Variants in SPTBN1 observed in about 807,000 individuals in gnomAD.
SPTBN1 encodes the protein spectrin beta chain, non-erythrocytic 1.
A neutral mutation model predicts 266.4 loss-of-function variants in SPTBN1; 32 were observed. The observed-to-expected ratio is 0.12, with a 90% confidence interval of 0.09 to 0.16. SPTBN1 has a LOEUF of 0.16. Among genes scored for constraint, SPTBN1 ranks in the 10% least tolerant of loss-of-function variants. The pLI, the probability that SPTBN1 is intolerant of heterozygous loss-of-function variation, is 1.00. For missense variants in SPTBN1, 2,296 were observed against 3,067.1 expected (o/e 0.75, Z 5.94); for synonymous variants, 1,336 against 1,162.2 (o/e 1.15, Z -3.04).
At position 54,461,024 on chromosome 2, in the gene SPTBN1, C is replaced by A. The variant is rs564322453; in HGVS notation, c.-48+4506C>A. ...TCTCAAAAAAATAAAAATCATAAAC[C>A]AAGGGACACTCAGGCAGCCACCGGC... is the stretch of plus-strand genomic sequence containing the variant. On this transcript the variant is annotated intron_variant, in intron 1 of 35. Transcript: ENST00000356805. Among the ~76,000 whole-genome samples, 2 of 152,044 alleles carry A rather than the reference C, an allele frequency of 1.3e-5. 1 individual carries two copies. The highest frequency in any genetic ancestry group is 4.2e-4 in the South Asian group (2 of 4,808).
At chr2:54,503,168 C>G (rs538486857) in intron 1 of SPTBN1, among the ~76,000 whole-genome samples, 3 of 152,168 alleles carry the variant, frequency 2.0e-5, no homozygotes, top group Non-Finnish European at 4.4e-5. Flanking sequence ...CTCACCTGCC[C>G]CACGACACTG....
chr2:54,647,397 A>T, intron 24 of SPTBN1, 136 bp downstream of exon 24: 2 of 1,196,968 alleles, frequency 1.7e-6, no homozygotes, highest in South Asian at 1.5e-5. Context: ...AAGCATTTTT[A>T]AAACAGACCC....
rs1673030145 is a variant in SPTBN1, at chr2:54,558,427, C to T, written c.148+31861C>T. ...CGCTGCGCCCGCGAGCTCCCGGGCTCGGCAACCGTGGCATGCTTAGGATTG... is the reference window on the plus strand; with the variant it reads ...CGCTGCGCCCGCGAGCTCCCGGGCTTGGCAACCGTGGCATGCTTAGGATTG... On this transcript the variant is annotated intron_variant, in intron 2 of 35. Transcript: ENST00000356805. This position sits in a 1 kb window ranked among gnomAD's most constrained non-coding sequence, Gnocchi z 4.6. 8 of 1,021,196 alleles carry T rather than the reference C, an allele frequency of 7.8e-6. No homozygotes were observed. The highest frequency in any genetic ancestry group is 1.7e-5 in the African/African-American group (1 of 58,426). The allele number at this position is 1,021,196 out of a possible 1,614,324, so 63.3% of individuals were successfully genotyped here.
At chr2:54,581,205 A>G (rs1674874674) in intron 2 of SPTBN1, among the ~76,000 whole-genome samples, 1 of 152,246 alleles carries the variant, frequency 6.6e-6, no homozygotes, top group African/African-American at 2.4e-5. Context: ...GAATGGCTAT[A>G]TTGAAAGCTA....
intron 2 of SPTBN1, among the ~76,000 whole-genome samples, chr2:54,530,912 G>T (rs1364431738): frequency 1.3e-5 from 2 of 152,056 alleles, no homozygotes; most frequent in Non-Finnish European, 2.9e-5. Context: ...CCCATCCCTA[G>T]CTAGCCTCAG....
chr2:54,662,160 G>A (rs553568480), intron 32 of SPTBN1: 11 of 985,288 alleles, frequency 1.1e-5, no homozygotes, highest in Admixed American at 6.2e-5. Flanking sequence ...GAGAAGCAAC[G>A]TGGGGGGTGG....
chr2:54,482,006 T>G (rs750286595), intron 1 of SPTBN1, among the ~76,000 whole-genome samples: 5 of 152,196 alleles, frequency 3.3e-5, no homozygotes, highest in Non-Finnish European at 5.9e-5. Flanking sequence ...TTTTTGGACA[T>G]GGTTTTGCTA....
Position 54,558,334 on chromosome 2 carries a change from CA to C in SPTBN1, c.148+31769del, listed in dbSNP as rs1272167660. On this transcript the variant is annotated intron_variant, in intron 2 of 35. Coordinates refer to ENST00000356805, the MANE Select transcript of SPTBN1 (RefSeq NM_003128.3). This position sits in a 1 kb window ranked among gnomAD's most constrained non-coding sequence, Gnocchi z 4.6. The stretch of plus-strand genomic sequence containing the variant: ...AATCAGGTGACATCACCGCCCAGCA[CA>C]CGGCGAGTGGCTCCTGATAAAATTA... 2 of 995,224 alleles carry C rather than the reference CA, an allele frequency of 2.0e-6. No individual in the cohort carries two copies. The highest frequency in any genetic ancestry group is 2.4e-6 in the Non-Finnish European group (2 of 836,222). The allele number at this position is 995,224 out of a possible 1,614,324, so 61.6% of individuals were successfully genotyped here.
chr2:54,600,781 G>T (rs1676450899), intron 3 of SPTBN1, among the ~76,000 whole-genome samples: 2 of 148,756 alleles, frequency 1.3e-5, no homozygotes, highest in Non-Finnish European at 1.5e-5. Context: ...ATCATTAAAG[G>T]TCACATGGAT....
At chr2:54,588,254 A>G (rs1475244219) in intron 2 of SPTBN1, among the ~76,000 whole-genome samples, 1 of 152,196 alleles carries the variant, frequency 6.6e-6, no homozygotes, top group African/African-American at 2.4e-5. Flanking sequence ...CTCCCAGGCT[A>G]CATAAAAAGA....
chr2:54,661,914 T>G lies in SPTBN1; in HGVS notation c.6420+1915T>G, dbSNP rs565535508. 1.1e-5 allele frequency: 11 copies of G among 985,398 alleles called. No individual in the cohort carries two copies. In the African/African-American group the frequency reaches 1.9e-4, roughly 17 times the overall value. The allele number at this position is 985,398 out of a possible 1,614,324, so 61.0% of individuals were successfully genotyped here. ...TTTTATCTAGATTTTTAAATGTAGC[T>G]TGTCATAACAAAATTTTAATTACAA... On this transcript the variant is annotated intron_variant, in intron 32 of 35. Coordinates refer to ENST00000356805, the MANE Select transcript of SPTBN1 (RefSeq NM_003128.3).
Position 54,521,167 on chromosome 2 carries a change from G to C in SPTBN1, c.-47-5205G>C. On this transcript the variant is annotated intron_variant, in intron 1 of 35. Coordinates refer to ENST00000356805, the MANE Select transcript of SPTBN1 (RefSeq NM_003128.3). ...TGGCCCTAGTCCCATGTGGAAGTGG[G>C]TTAGAGGATGATGATGTTTGTAGCA... is the stretch of plus-strand genomic sequence containing the variant. Among the ~76,000 whole-genome samples the C allele has an allele frequency of 1.3e-5, 2 of 152,208 alleles. 1 individual carries two copies. The highest frequency in any genetic ancestry group is 2.9e-5 in the Non-Finnish European group (2 of 68,046).
Position 54,669,003 on chromosome 2 carries a change from G to C in SPTBN1, c.*434G>C, listed in dbSNP as rs1681567703. ...ACTTCTGGTGGTTACCCTGACTCTT[G>C]ACTCTTAGAAGTGCCCGAGATGGGG... On this transcript the variant is annotated 3_prime_UTR_variant, in exon 36 of 36. Coordinates refer to ENST00000356805, the MANE Select transcript of SPTBN1 (RefSeq NM_003128.3). The C allele has an allele frequency of 4.8e-6, 1 of 206,486 alleles. No individual in the cohort carries two copies. Among genetic ancestry groups the C allele is most frequent in the African/African-American group, 2.4e-5 (1 of 42,054 alleles). 12.8% of individuals were successfully genotyped at this position (206,486 alleles called of 1,614,324 possible).
chr2:54,589,344 C>G (rs561732095), intron 2 of SPTBN1, among the ~76,000 whole-genome samples: 1 of 152,276 alleles, frequency 6.6e-6, no homozygotes, highest in East Asian at 1.9e-4. Flanking sequence ...TATTGTGGGT[C>G]TCCTCTCAGA....
intron 1 of SPTBN1, among the ~76,000 whole-genome samples, chr2:54,502,215 A>G (rs1669308496): frequency 6.6e-6 from 1 of 152,106 alleles, no homozygotes; most frequent in Non-Finnish European, 1.5e-5. Flanking sequence ...TCTGCTTTCT[A>G]GCCCCAAAGG....
At chr2:54,624,191 G>C (rs1678176225) in intron 10 of SPTBN1, among the ~76,000 whole-genome samples, 1 of 152,138 alleles carries the variant, frequency 6.6e-6, no homozygotes, top group African/African-American at 2.4e-5. Flanking sequence ...GCCCAGGCTA[G>C]TCTTGAACTC....
intron 3 of SPTBN1, 75 bp downstream of exon 3, chr2:54,599,318 C>G: frequency 1.9e-6 from 3 of 1,551,976 alleles, no homozygotes; most frequent in Non-Finnish European, 2.6e-6. Flanking sequence ...TGACTTGTCT[C>G]CTGTTGAATT....
Position 54,653,761 on chromosome 2 carries a change from A to C in SPTBN1, c.5730A>C (p.Thr1910=), listed in dbSNP as rs2271328. ...CESRRVRLVD[T]GDKFRFFSMV... is the part of the protein sequence containing the mutation. The stretch of plus-strand genomic sequence containing the variant: ...GCCGCAGGGTGCGGCTGGTGGACAC[A>C]GGGGACAAGTTCCGCTTCTTCAGCA... Residue 1910 remains threonine, a synonymous_variant, in exon 27 of 36, where the codon ACA becomes ACC. Transcript: ENST00000356805. This position sits in a 1 kb window ranked among gnomAD's most constrained non-coding sequence, Gnocchi z 5.1. 1.2e-5 allele frequency: 20 copies of C among 1,614,072 alleles called. No homozygotes were observed. The highest frequency in any genetic ancestry group is 1.6e-5 in the Non-Finnish European group (19 of 1,180,042).
rs1479042939 is a variant in SPTBN1 at position 54,670,204 on chromosome 2, AAAG to A, written c.*1641_*1643del. 4 of 152,786 alleles carry A rather than the reference AAAG, an allele frequency of 2.6e-5. No individual in the cohort carries two copies. The highest frequency in any genetic ancestry group is 3.9e-4 in the East Asian group (2 of 5,194). The allele number at this position is 152,786 out of a possible 1,614,324, so 9.5% of individuals were successfully genotyped here. A position where few individuals can be genotyped will look rare whatever the true frequency, so the allele number is the denominator to read the frequency against. The stretch of plus-strand genomic sequence containing the variant: ...GTCTATTTTATACAGATCAGACCAA[AAAG>A]AAGAAAAAAAAAAAACAGGCAAGAG... On this transcript the variant is annotated 3_prime_UTR_variant, in exon 36 of 36. Coordinates refer to ENST00000356805, the MANE Select transcript of SPTBN1 (RefSeq NM_003128.3).
Sources: gnomAD v4.1 joint callset for allele counts (sites outside exome capture counted in the v4.1 genomes callset) on GRCh38, gnomAD v4.1.1 for gene constraint, Gnocchi (gnomAD v3.1) non-coding constraint, MANE v1.5 for transcripts, NCBI Gene and HGNC (gene_info 2026-07-23, HGNC 2026-07-21) for gene names.